KCNU1: variants seen among roughly 807,000 people sequenced by gnomAD.
KCNU1 encodes the protein potassium channel subfamily U member 1.
KCNU1 carries 93 observed loss-of-function variants against 126.8 expected under a neutral mutation model. The ratio of observed to expected loss-of-function variants is 0.73; its 90% CI spans 0.62 to 0.87. The LOEUF is 0.87. KCNU1 is among the 40% of genes least tolerant of loss of function. The probability of loss-of-function intolerance (pLI) is 0.00; values close to 1 mark genes in which losing one functional copy is unlikely to be tolerated. For missense variants in KCNU1, 1,330 were observed against 1,367.1 expected (o/e 0.97, Z 0.43); for synonymous variants, 523 against 494.2 (o/e 1.06, Z -0.77).
chr8:36,923,443 G>T (rs1399783948), intron 24 of KCNU1, among the ~76,000 whole-genome samples: 2 of 152,154 alleles, frequency 1.3e-5, no homozygotes, highest in African/African-American at 4.8e-5. Context: ...GCCTTCTCAG[G>T]GAAGGCGATG....
intron 10 of KCNU1, among the ~76,000 whole-genome samples, chr8:36,825,136 G>T (rs1804271936): frequency 6.6e-6 from 1 of 152,102 alleles, no homozygotes; most frequent in South Asian, 2.1e-4. Context: ...CTAACACTTA[G>T]AAACAGCAGT....
chr8:36,801,591 A>G (rs908026096), intron 2 of KCNU1, among the ~76,000 whole-genome samples: 15 of 152,120 alleles, frequency 9.9e-5, no homozygotes, highest in Non-Finnish European at 1.6e-4. Flanking sequence ...GAAAAAATGT[A>G]CATAATCATA....
In KCNU1 at chr8:36,918,915, G is replaced by A; in HGVS notation, c.2596+18G>A. On this transcript the variant is annotated intron_variant, in intron 23 of 26. Coordinates refer to ENST00000399881, the MANE Select transcript of KCNU1 (RefSeq NM_001031836.3). ...TGAACTGAGTAAGTGGTGTTTCGAG[G>A]GGAAAATTCAATGGAGAAATTTTTG... 6.6e-7 allele frequency: 1 copy of A among 1,522,452 alleles called. No individual in the cohort carries two copies. Among genetic ancestry groups the A allele is most frequent in the Admixed American group, 1.7e-5 (1 of 57,710 alleles). The allele number at this position is 1,522,452 out of a possible 1,614,324, so 94.3% of individuals were successfully genotyped here.
At chr8:36,915,043 G>C (rs116067236) in intron 22 of KCNU1, among the ~76,000 whole-genome samples, 5 of 152,118 alleles carry the variant, frequency 3.3e-5, no homozygotes, top group African/African-American at 9.7e-5. Context: ...TCCTTCAGCC[G>C]GCATCAGAAG....
intron 7 of KCNU1, among the ~76,000 whole-genome samples, chr8:36,810,116 G>T (rs747016781): frequency 5.3e-5 from 8 of 152,126 alleles, no homozygotes; most frequent in Non-Finnish European, 1.2e-4. Flanking sequence ...GCCAGACGTG[G>T]TGGCATGCGT....
At chr8:36,801,560 C>T (rs564870945) in intron 2 of KCNU1, among the ~76,000 whole-genome samples, 204 of 151,580 alleles carry the variant, frequency 1.3e-3, no homozygotes, top group Middle Eastern at 6.9e-3. Flanking sequence ...TTACTTGAAC[C>T]TTTTATGGGA....
At chr8:36,862,941 G>A (rs79646483) in intron 18 of KCNU1, among the ~76,000 whole-genome samples, 4 of 151,998 alleles carry the variant, frequency 2.6e-5, no homozygotes, top group Admixed American at 2.0e-4. Context: ...ATTTTACTTC[G>A]GGTGTTCCCT....
chr8:36,863,517 G>C (rs1222995044), intron 18 of KCNU1, among the ~76,000 whole-genome samples: 1 of 152,138 alleles, frequency 6.6e-6, no homozygotes, highest in Non-Finnish European at 1.5e-5. Context: ...GATCACACAG[G>C]CTCTTTGAAA....
chr8:36,784,421 C>T lies in KCNU1; in HGVS notation c.11C>T (p.Thr4Ile). Reference protein sequence around the residue: MFQTKLRNETWEDL... With the variant: MFQIKLRNETWEDL... The stretch of plus-strand genomic sequence containing the variant: ...ACTGATGTCTCGAACATGTTTCAGA[C>T]TAAGCTACGAAATGAAACTTGGGAA... The change falls in exon 1 of 27, where the codon ACT (threonine) becomes ATT (isoleucine). Residue 4 changes from threonine (T) to isoleucine (I), a missense_variant. Around this residue, in one of 3 missense-constraint regions of KCNU1, gnomAD observed 247 missense variants for 255.4 expected, o/e 0.97. Transcript: ENST00000399881. 2.5e-6 allele frequency: 4 copies of T among 1,611,998 alleles called. No individual in the cohort carries two copies. Among genetic ancestry groups the T allele is most frequent in the Non-Finnish European group, 3.4e-6 (4 of 1,178,952 alleles).
chr8:36,903,008 A>G lies in KCNU1; in HGVS notation c.2010-2700A>G, dbSNP rs562828666. 2.0e-5 allele frequency among the ~76,000 whole-genome samples: 3 copies of G among 152,274 alleles called. No homozygotes were observed. In the East Asian group the frequency reaches 5.8e-4, roughly 29 times the overall value. ...AATTCACTAAACCCACTAAGTTTAT[A>G]GGTAGTTCTTAAGTGCAAGAGGAGA... On this transcript the variant is annotated intron_variant, in intron 19 of 26. Transcript: ENST00000399881.
chr8:36,860,517 C>T (rs1805691000), intron 18 of KCNU1, among the ~76,000 whole-genome samples: 1 of 152,154 alleles, frequency 6.6e-6, no homozygotes, highest in South Asian at 2.1e-4. Context: ...AGCCTCAACT[C>T]TACAGTTCAC....
chr8:36,798,719 A>T (rs902277460), intron 2 of KCNU1, among the ~76,000 whole-genome samples: 11 of 152,252 alleles, frequency 7.2e-5, no homozygotes, highest in Admixed American at 5.2e-4. Flanking sequence ...AAATTTACCT[A>T]TATCCTGGAA....
At chr8:36,893,940 A>G (rs958253748) in intron 19 of KCNU1, among the ~76,000 whole-genome samples, 2 of 152,102 alleles carry the variant, frequency 1.3e-5, no homozygotes, top group Non-Finnish European at 2.9e-5. Flanking sequence ...CTGGTTTAAG[A>G]CCATCTCTTT....
chr8:36,902,148 T>C (rs1297094500), intron 19 of KCNU1, among the ~76,000 whole-genome samples: 1 of 152,142 alleles, frequency 6.6e-6, no homozygotes, highest in Non-Finnish European at 1.5e-5. Flanking sequence ...GCCTTTATGA[T>C]GAAGTGGGTT....
rs141880273 is a variant in KCNU1, at chr8:36,880,450, A to T, written c.2009+15929A>T. Among the ~76,000 whole-genome samples the T allele has an allele frequency of 1.5e-4, 23 of 152,192 alleles. No homozygotes were observed. In the East Asian group the frequency reaches 4.5e-3, roughly 29 times the overall value. On this transcript the variant is annotated intron_variant, in intron 19 of 26. Transcript: ENST00000399881. ...TTTCAAGTTTTTATAGCCTTACATT[A>T]TATATTGCTGTCAGAAATGAACAGA...
intron 19 of KCNU1, among the ~76,000 whole-genome samples, chr8:36,867,090 A>C (rs1033879347): frequency 2.6e-5 from 4 of 152,150 alleles, no homozygotes; most frequent in Admixed American, 6.6e-5. Context: ...TTTCACAATA[A>C]AAAATTTTTG....
At chr8:36,818,138 ATGCTGT>A (rs1380989705) in intron 10 of KCNU1, among the ~76,000 whole-genome samples, 2 of 152,180 alleles carry the variant, frequency 1.3e-5, no homozygotes, top group Admixed American at 1.3e-4. Context: ...ATTGTTCTTG[ATGCTGT>A]TGTTGTTCTG....
intron 18 of KCNU1, among the ~76,000 whole-genome samples, chr8:36,850,322 G>T (rs1411909989): frequency 6.6e-6 from 1 of 152,094 alleles, no homozygotes; most frequent in Non-Finnish European, 1.5e-5. Flanking sequence ...GATGTTCAAT[G>T]ATATATTTTT....
chr8:36,905,778 C>A lies in KCNU1; in HGVS notation c.2080C>A (p.Pro694Thr). The A allele has an allele frequency of 1.9e-6, 3 of 1,586,118 alleles. No individual in the cohort carries two copies. Among genetic ancestry groups the A allele is most frequent in the South Asian group, 1.1e-5 (1 of 88,486 alleles). ...CAGTGGGATGTTTCACTGGTGCAAACCAACCTCTTTGGACAAGGTGACTCT... is the reference window on the plus strand; with the variant it reads ...CAGTGGGATGTTTCACTGGTGCAAAACAACCTCTTTGGACAAGGTGACTCT... ...DSSGMFHWCKPTSLDKVTLKR... is the reference protein window; with the variant it reads ...DSSGMFHWCKTTSLDKVTLKR... The change falls in exon 20 of 27, where the codon CCA becomes ACA. Residue 694 changes from proline (P) to threonine (T), a missense_variant. Around this residue, in one of 3 missense-constraint regions of KCNU1, gnomAD observed 1,054 missense variants for 1,053.9 expected, o/e 1.00. Transcript: ENST00000399881.
Sources: gnomAD v4.1 joint callset for allele counts (sites outside exome capture counted in the v4.1 genomes callset) on GRCh38, gnomAD v4.1.1 for gene constraint, gnomAD v4.1.1 regional missense constraint, MANE v1.5 for transcripts, NCBI Gene and HGNC (gene_info 2026-07-23, HGNC 2026-07-21) for gene names.